SNX29: variants seen among roughly 807,000 people sequenced by gnomAD.
The protein encoded by SNX29 is sorting nexin 29.
A neutral mutation model predicts 102.1 loss-of-function variants in SNX29; 78 were observed. The observed-to-expected ratio is 0.76, with a 90% CI of 0.64 to 0.92. The LOEUF (loss-of-function observed/expected upper bound fraction) is 0.92. Among genes scored for constraint, SNX29 ranks in the 40% least tolerant of loss-of-function variants. The probability of loss-of-function intolerance (pLI) is 0.00; values close to 1 mark genes in which losing one functional copy is unlikely to be tolerated. For missense variants in SNX29, 1,280 were observed against 1,061.7 expected (o/e 1.21, Z -2.86); for synonymous variants, 580 against 414.5 (o/e 1.40, Z -4.85).
intron 20 of SNX29, among the ~76,000 whole-genome samples, chr16:12,538,613 G>A (rs770995805): frequency 6.6e-6 from 1 of 152,094 alleles, no homozygotes; most frequent in African/African-American, 2.4e-5. Context: ...GATGCAGGAG[G>A]GCCTTGACTA....
Position 12,347,227 on chromosome 16 carries a change from C to T in SNX29, c.1783-8936C>T, listed in dbSNP as rs111838461. The stretch of plus-strand genomic sequence containing the variant: ...AGACAGAGCCTACACAGCACTGTCT[C>T]GGTGGCACTTCAGGATGATCTGCCC... On this transcript the variant is annotated intron_variant, in intron 15 of 20. Coordinates refer to ENST00000566228, the MANE Select transcript of SNX29 (RefSeq NM_032167.5). Among the ~76,000 whole-genome samples, 723 of 152,070 alleles carry T rather than the reference C, an allele frequency of 4.8e-3. 5 individuals carry two copies. Among genetic ancestry groups the T allele is most frequent in the African/African-American group, 0.017 (700 of 41,456 alleles).
At chr16:11,994,975 G>A (rs1054869536) in intron 1 of SNX29, among the ~76,000 whole-genome samples, 2 of 152,166 alleles carry the variant, frequency 1.3e-5, no homozygotes, top group Admixed American at 6.5e-5. Context: ...CAGGCCTTGT[G>A]ACTTCCCGTT....
Position 12,570,124 on chromosome 16 carries a change from C to G in SNX29, c.*1495C>G, listed in dbSNP as rs989477296. On this transcript the variant is annotated 3_prime_UTR_variant, in exon 21 of 21. Coordinates refer to ENST00000566228, the MANE Select transcript of SNX29 (RefSeq NM_032167.5). ...TAGCAAAAAGGAAGATTGTTCATGG[C>G]CTTTAAGGAAGGCTGAGATCACTCA... 29 of 1,038,350 alleles carry G rather than the reference C, an allele frequency of 2.8e-5. No homozygotes were observed. The highest frequency in any genetic ancestry group is 3.0e-5 in the Non-Finnish European group (26 of 855,186). The allele number at this position is 1,038,350 out of a possible 1,614,324, so 64.3% of individuals were successfully genotyped here.
chr16:12,059,135 C>T (rs74494266), intron 8 of SNX29, among the ~76,000 whole-genome samples: 2,418 of 152,246 alleles, frequency 0.016, 53 homozygotes, highest in African/African-American at 0.055. Context: ...TTTGGAACCT[C>T]ATCCTCTTGG....
chr16:12,029,306 G>C (rs1021215717), intron 4 of SNX29, among the ~76,000 whole-genome samples: 2 of 152,096 alleles, frequency 1.3e-5, no homozygotes, highest in South Asian at 2.1e-4. Context: ...TATTCATTGC[G>C]TGCAGTACTG....
intron 14 of SNX29, among the ~76,000 whole-genome samples, chr16:12,225,330 A>G (rs1166017552): frequency 6.6e-6 from 1 of 151,926 alleles, no homozygotes; most frequent in Non-Finnish European, 1.5e-5. Flanking sequence ...TTGGATTGTA[A>G]CTCCCACAAG....
intron 11 of SNX29, among the ~76,000 whole-genome samples, chr16:12,105,575 C>T (rs776947858): frequency 6.6e-5 from 10 of 152,074 alleles, no homozygotes; most frequent in Non-Finnish European, 1.2e-4. Context: ...ACCCACAAAT[C>T]TTTATTAAAG....
intron 15 of SNX29, among the ~76,000 whole-genome samples, chr16:12,347,279 T>C (rs1213471669): frequency 6.6e-6 from 1 of 152,088 alleles, no homozygotes; most frequent in African/African-American, 2.4e-5. Context: ...ATTTATTACA[T>C]GGTGGCTTTA....
chr16:12,113,793 A>G (rs2053585736), intron 11 of SNX29, among the ~76,000 whole-genome samples: 1 of 152,204 alleles, frequency 6.6e-6, no homozygotes, highest in Non-Finnish European at 1.5e-5. Flanking sequence ...TTGGCCGGCG[A>G]GCGGCCAGCG....
chr16:12,360,502 T>C (rs2082270543), intron 16 of SNX29, among the ~76,000 whole-genome samples: 2 of 152,196 alleles, frequency 1.3e-5, no homozygotes, highest in South Asian at 4.1e-4. Context: ...TTTGGTTTTT[T>C]GCCCCAACGA....
intron 15 of SNX29, among the ~76,000 whole-genome samples, chr16:12,343,395 G>C (rs1333038981): frequency 6.6e-6 from 1 of 152,232 alleles, no homozygotes; most frequent in Non-Finnish European, 1.5e-5. Context: ...AGCTGCCCCA[G>C]GCCCTGTGCC....
intron 18 of SNX29, among the ~76,000 whole-genome samples, chr16:12,439,749 A>G (rs2085714091): frequency 6.6e-6 from 1 of 152,316 alleles, no homozygotes. Context: ...CATACTAGCC[A>G]TGTGACCTTG....
intron 18 of SNX29, among the ~76,000 whole-genome samples, chr16:12,472,529 C>CAAAAAAAAAAA (rs60223249): frequency 4.1e-5 from 3 of 72,896 alleles, no homozygotes; most frequent in Admixed American, 1.5e-4. Context: ...AAAAAAAAAC[C>CAAAAAAAAAAA]AAAAAAAAAA....
intron 13 of SNX29, among the ~76,000 whole-genome samples, chr16:12,138,041 G>T (rs2054725737): frequency 6.6e-6 from 1 of 152,140 alleles, no homozygotes; most frequent in Admixed American, 6.5e-5. Flanking sequence ...TTATTGATTA[G>T]CAATGTCTGC....
At chr16:12,339,490 A>G (rs1394344764) in intron 15 of SNX29, among the ~76,000 whole-genome samples, 2 of 151,928 alleles carry the variant, frequency 1.3e-5, no homozygotes, top group African/African-American at 4.8e-5. Context: ...AATCCAAATG[A>G]CAGAAAACTC....
At chr16:12,275,755 G>T (rs1596722219) in intron 14 of SNX29, among the ~76,000 whole-genome samples, 1 of 144,502 alleles carries the variant, frequency 6.9e-6, no homozygotes, top group African/African-American at 2.6e-5. Flanking sequence ...TGTTATTTTT[G>T]ACACATAATA....
chr16:12,321,430 C>G (rs2080927007), intron 15 of SNX29, among the ~76,000 whole-genome samples: 1 of 152,192 alleles, frequency 6.6e-6, no homozygotes, highest in Admixed American at 6.5e-5. Flanking sequence ...CACAGTGATT[C>G]CCAGGCCAGG....
At chr16:12,491,359 A>G (rs995357870) in intron 19 of SNX29, among the ~76,000 whole-genome samples, 2 of 152,200 alleles carry the variant, frequency 1.3e-5, no homozygotes, top group Non-Finnish European at 2.9e-5. Context: ...GTACTCCAAG[A>G]TGGCAGCACC....
At chr16:12,526,543 A>G (rs1045249657) in intron 20 of SNX29, 3 of 523,808 alleles carry the variant, frequency 5.7e-6, no homozygotes, top group Admixed American at 4.5e-5. Flanking sequence ...TTTATTTGTA[A>G]TGCCAGGGAC....
Sources: allele counts gnomAD v4.1 joint callset (sites outside exome capture counted in the v4.1 genomes callset), GRCh38; gene constraint gnomAD v4.1.1; transcripts MANE v1.5; gene names NCBI Gene and HGNC (gene_info 2026-07-23, HGNC 2026-07-21).